The following CHEK1 variants were observed in gnomAD, a reference collection of about 807,000 sequenced individuals.
CHEK1 encodes checkpoint kinase 1.
A neutral mutation model predicts 60.2 loss-of-function variants in CHEK1; 32 were observed. The ratio of observed to expected loss-of-function variants is 0.53; its 90% CI spans 0.40 to 0.71. The LOEUF (loss-of-function observed/expected upper bound fraction) is 0.71, where lower values mean the gene tolerates loss of function less well. Among genes scored for constraint, CHEK1 ranks in the 30% least tolerant of loss-of-function variants. The pLI is 0.00. For missense variants in CHEK1, 399 were observed against 564.6 expected (o/e 0.71, Z 2.97); for synonymous variants, 179 against 187.2 (o/e 0.96, Z 0.36).
rs1941917726 is a variant in CHEK1 at position 125,656,907 on chromosome 11, A to G, written c.*1587A>G. 1 of 206,440 alleles carries G rather than the reference A, an allele frequency of 4.8e-6. No individual in the cohort carries two copies. Among genetic ancestry groups the G allele is most frequent in the Non-Finnish European group, 9.9e-6 (1 of 100,984 alleles). 12.8% of individuals were successfully genotyped at this position (206,440 alleles called of 1,614,324 possible). On this transcript the variant is annotated 3_prime_UTR_variant, in exon 13 of 13. Coordinates refer to ENST00000438015, the MANE Select transcript of CHEK1 (RefSeq NM_001114122.3). ...GTTTCATATTTGGATTAGCTCTGAC[A>G]TTTATTTATCTGAACACTGGTAATT... is the stretch of plus-strand genomic sequence containing the variant.
At chr11:125,627,452 A>G (rs1940667379) in intron 2 of CHEK1, among the ~76,000 whole-genome samples, 155 bp from the exon 3 acceptor site, 1 of 152,218 alleles carries the variant, frequency 6.6e-6, no homozygotes, top group African/African-American at 2.4e-5. Context: ...AGAAAAGAGT[A>G]GTGTGTGTTG....
In CHEK1 at chr11:125,633,368, C is replaced by T. The variant is rs746443115; in HGVS notation, c.613+17C>T. ...TCGCTGGAGGTAAGAGCTATTTAAT[C>T]ATGGTAAAACTCCTATAAAAAGTCA... is the stretch of plus-strand genomic sequence containing the variant. On this transcript the variant is annotated intron_variant, in intron 6 of 12. Transcript: ENST00000438015. The T allele has an allele frequency of 2.0e-6, 3 of 1,501,542 alleles. No individual in the cohort carries two copies. The highest frequency in any genetic ancestry group is 2.5e-5 in the Admixed American group (1 of 39,706). The allele number at this position is 1,501,542 out of a possible 1,614,324, so 93.0% of individuals were successfully genotyped here.
At chr11:125,668,346 T>A (rs1250225358) in intron 13 of CHEK1, among the ~76,000 whole-genome samples, 3 of 152,162 alleles carry the variant, frequency 2.0e-5, no homozygotes, top group Non-Finnish European at 4.4e-5. Flanking sequence ...TTCCCTAAAT[T>A]TTGTTTTATC....
At chr11:125,633,058 C>G (rs1940927659) in intron 5 of CHEK1, 105 bp from the exon 6 acceptor site, 5 of 996,574 alleles carry the variant, frequency 5.0e-6, no homozygotes, top group Non-Finnish European at 4.3e-6. Context: ...TTCTACAAAC[C>G]TTAAGTAACA....
intron 5 of CHEK1, among the ~76,000 whole-genome samples, 189 bp from the exon 6 acceptor site, chr11:125,632,974 A>G (rs1284576961): frequency 1.3e-5 from 2 of 151,900 alleles, no homozygotes; most frequent in Non-Finnish European, 2.9e-5. Context: ...GCCTTTTTCT[A>G]CTTTTAGCAT....
downstream of CHEK1, among the ~76,000 whole-genome samples, chr11:125,679,310 C>T (rs191182992): frequency 2.0e-5 from 3 of 151,052 alleles, no homozygotes; most frequent in East Asian, 2.0e-4. Flanking sequence ...CTCCGCCTCC[C>T]GGGTTCAAGT....
At chr11:125,675,921 T>G (rs1390866830) in intron 13 of CHEK1, 1 of 156,250 alleles carries the variant, frequency 6.4e-6, no homozygotes, top group Non-Finnish European at 1.4e-5. Flanking sequence ...TTCTTTATTT[T>G]TTTTAGATGG....
At chr11:125,634,423 A>G (rs988027966) in intron 6 of CHEK1, among the ~76,000 whole-genome samples, 56 of 152,044 alleles carry the variant, frequency 3.7e-4, no homozygotes, top group African/African-American at 1.2e-3. Flanking sequence ...CCCAGGCTCA[A>G]GCGATCCTCC....
chr11:125,642,590 G>A (rs896936338), intron 8 of CHEK1, among the ~76,000 whole-genome samples: 1 of 152,204 alleles, frequency 6.6e-6, no homozygotes, highest in East Asian at 1.9e-4. Flanking sequence ...GCATGTTTAA[G>A]TGGTTTGGGT....
chr11:125,643,761 T>TG (rs1565374032), intron 8 of CHEK1, 31 bp from the exon 9 acceptor site: 2 of 1,565,832 alleles, frequency 1.3e-6, no homozygotes, highest in Non-Finnish European at 1.7e-6. Flanking sequence ...ATAGAAGACT[T>TG]GAAAGCATTT....
intron 3 of CHEK1, 37 bp from the exon 4 acceptor site, chr11:125,629,195 T>C: frequency 2.5e-6 from 4 of 1,599,422 alleles, no homozygotes; most frequent in Non-Finnish European, 3.4e-6. Flanking sequence ...TACCTGATTA[T>C]ATTTAGTCAA....
chr11:125,629,481 C>CT, intron 5 of CHEK1, 21 bp downstream of exon 5: 1 of 1,521,044 alleles, frequency 6.6e-7, no homozygotes, highest in Non-Finnish European at 9.1e-7. Context: ...CATTTTATCA[C>CT]TACCTAAAAT....
At chr11:125,661,602 G>A (rs1042721124), downstream of CHEK1, among the ~76,000 whole-genome samples, 20 of 151,990 alleles carry the variant, frequency 1.3e-4, no homozygotes, top group African/African-American at 2.7e-4. Flanking sequence ...GTGAGCCACC[G>A]CGCCCAACCT....
Position 125,653,622 on chromosome 11 carries a change from G to T in CHEK1, c.1234-124G>T. ...TTTCCTTTGGATCAGTAGTGGGATT[G>T]CTGGAACATATAGGTAGTTTTATTT... is the stretch of plus-strand genomic sequence containing the variant. On this transcript the variant is annotated intron_variant, in intron 11 of 12. Coordinates refer to ENST00000438015, the MANE Select transcript of CHEK1 (RefSeq NM_001114122.3). The surrounding 1 kb of genome is among the most constrained non-coding windows in gnomAD (Gnocchi z 4.3). 1.6e-6 allele frequency: 1 copy of T among 618,946 alleles called. No individual in the cohort carries two copies. The highest frequency in any genetic ancestry group is 2.8e-6 in the Non-Finnish European group (1 of 352,708). The allele number at this position is 618,946 out of a possible 1,614,324, so 38.3% of individuals were successfully genotyped here.
intron 11 of CHEK1, among the ~76,000 whole-genome samples, chr11:125,645,547 G>A (rs754826878): frequency 3.9e-5 from 6 of 151,974 alleles, no homozygotes; most frequent in Non-Finnish European, 5.9e-5. Context: ...AAACTATAAC[G>A]GACATTATTG....
intron 13 of CHEK1, among the ~76,000 whole-genome samples, chr11:125,663,625 T>C (rs1010305200): frequency 1.3e-5 from 2 of 152,190 alleles, no homozygotes; most frequent in African/African-American, 4.8e-5. Flanking sequence ...GTCTCTTTAC[T>C]CTGTTGATAG....
intron 13 of CHEK1, among the ~76,000 whole-genome samples, chr11:125,665,387 T>G (rs1053912647): frequency 5.3e-5 from 8 of 152,122 alleles, no homozygotes; most frequent in Non-Finnish European, 1.0e-4. Flanking sequence ...TTTTGTAGTA[T>G]TTTGTTGACG....
downstream of CHEK1, chr11:125,677,696 A>G (rs1302838467): frequency 2.7e-6 from 4 of 1,486,728 alleles, no homozygotes; most frequent in South Asian, 2.6e-5. Flanking sequence ...AGTGTTAACA[A>G]TTCTTTCTTC....
intron 13 of CHEK1, among the ~76,000 whole-genome samples, chr11:125,663,281 TAG>T: frequency 6.6e-6 from 1 of 152,314 alleles, no homozygotes; most frequent in South Asian, 2.1e-4. Flanking sequence ...TTGTCTATCC[TAG>T]AATAAGCCTA....
Sources: gnomAD v4.1 joint callset for allele counts (sites outside exome capture counted in the v4.1 genomes callset) on GRCh38, gnomAD v4.1.1 for gene constraint, Gnocchi (gnomAD v3.1) non-coding constraint, MANE v1.5 for transcripts, NCBI Gene and HGNC (gene_info 2026-07-23, HGNC 2026-07-21) for gene names.